The following STXBP5L variants were observed in gnomAD, a reference collection of about 807,000 sequenced individuals.
The protein encoded by STXBP5L is syntaxin-binding protein 5-like.
Under a neutral mutation model 144.5 loss-of-function variants are expected in STXBP5L, and 65 were observed. The observed-to-expected ratio is 0.45, with a 90% confidence interval of 0.37 to 0.55. The LOEUF is 0.55. STXBP5L is among the 20% of genes least tolerant of loss of function. The pLI, the probability that STXBP5L is intolerant of heterozygous loss-of-function variation, is 0.00. For missense variants in STXBP5L, 1,298 were observed against 1,405.5 expected, an observed-to-expected ratio of 0.92 and a Z score of 1.22; for synonymous variants, 505 against 469.6, an observed-to-expected ratio of 1.08 and a Z score of -0.97.
chr3:121,173,364 A>G (rs184216065), intron 9 of STXBP5L, among the ~76,000 whole-genome samples: 9 of 137,964 alleles, frequency 6.5e-5, no homozygotes, highest in Non-Finnish European at 1.3e-4. Flanking sequence ...ATAATAGAAT[A>G]GTGCTCTCAC....
intron 3 of STXBP5L, among the ~76,000 whole-genome samples, chr3:120,991,424 G>A (rs1488800953): frequency 1.3e-5 from 2 of 151,944 alleles, no homozygotes; most frequent in Non-Finnish European, 2.9e-5. Flanking sequence ...TCAGTGTGGC[G>A]ATTCCTCAGG....
intron 20 of STXBP5L, among the ~76,000 whole-genome samples, chr3:121,347,964 A>C (rs906161894): frequency 6.6e-6 from 1 of 152,050 alleles, no homozygotes; most frequent in Non-Finnish European, 1.5e-5. Flanking sequence ...TCTCCTGCCT[A>C]ATTGCCCTGG....
At chr3:120,909,445 G>A (rs1576400618) in intron 1 of STXBP5L, 126 bp from the exon 2 acceptor site, 1 of 762,050 alleles carries the variant, frequency 1.3e-6, no homozygotes, top group South Asian at 2.3e-5. Context: ...TTTTCCAGTC[G>A]GTCGTAACCA....
chr3:121,235,792 T>C (rs1008056126), intron 12 of STXBP5L, among the ~76,000 whole-genome samples: 6 of 151,278 alleles, frequency 4.0e-5, no homozygotes, highest in African/African-American at 1.5e-4. Context: ...CATTTCAGAT[T>C]GGTGGAAAGA....
chr3:121,011,902 A>C (rs564748437), intron 3 of STXBP5L, among the ~76,000 whole-genome samples: 1 of 151,798 alleles, frequency 6.6e-6, no homozygotes, highest in Non-Finnish European at 1.5e-5. Context: ...TACTACAGTG[A>C]ATTTTAGAAC....
intron 2 of STXBP5L, among the ~76,000 whole-genome samples, chr3:120,931,047 C>T (rs1193665683): frequency 6.6e-6 from 1 of 150,898 alleles, no homozygotes; most frequent in East Asian, 1.9e-4. Context: ...GTTTGTGTGC[C>T]TATCAGCCAA....
chr3:121,380,278 C>T (rs112832509), intron 21 of STXBP5L, among the ~76,000 whole-genome samples: 59 of 152,030 alleles, frequency 3.9e-4, no homozygotes, highest in African/African-American at 1.4e-3. Context: ...AATTTTATGA[C>T]AAACAATTAT....
chr3:121,282,209 T>A (rs184820278), intron 19 of STXBP5L: 31 of 1,540,018 alleles, frequency 2.0e-5, no homozygotes, highest in Non-Finnish European at 2.7e-5. Flanking sequence ...CACTTTAGAC[T>A]TTTTTTTCTC....
chr3:121,352,386 A>G (rs61796935), intron 20 of STXBP5L, among the ~76,000 whole-genome samples: 15,405 of 152,060 alleles, frequency 0.1, 1,045 homozygotes, highest in Non-Finnish European at 0.15. Flanking sequence ...TTCTCCTTGA[A>G]GAGGTCCTTC....
intron 22 of STXBP5L, among the ~76,000 whole-genome samples, chr3:121,394,707 C>T (rs1454618743): frequency 6.8e-6 from 1 of 147,214 alleles, no homozygotes; most frequent in Non-Finnish European, 1.5e-5. Context: ...TGGGTTCAGG[C>T]CATTCTCCTG....
intron 3 of STXBP5L, among the ~76,000 whole-genome samples, chr3:121,026,372 C>T (rs1179916317): frequency 1.3e-5 from 2 of 152,036 alleles, no homozygotes; most frequent in Admixed American, 6.6e-5. Flanking sequence ...GAGACAACCA[C>T]AAAACACTCT....
At chr3:121,351,887 C>T (rs2045297483) in intron 20 of STXBP5L, among the ~76,000 whole-genome samples, 1 of 152,116 alleles carries the variant, frequency 6.6e-6, no homozygotes, top group African/African-American at 2.4e-5. Context: ...GATCCAGTTT[C>T]AGCTTTTTAC....
chr3:121,084,700 T>G (rs1012649659), intron 5 of STXBP5L, among the ~76,000 whole-genome samples: 45 of 152,212 alleles, frequency 3.0e-4, no homozygotes, highest in African/African-American at 1.0e-3. Flanking sequence ...TAAAATGATT[T>G]ACATTCCTTT....
intron 19 of STXBP5L, among the ~76,000 whole-genome samples, chr3:121,307,438 A>G (rs1301030241): frequency 6.6e-6 from 1 of 152,220 alleles, no homozygotes; most frequent in African/African-American, 2.4e-5. Flanking sequence ...TATGATGACA[A>G]TGTCTCATCA....
intron 9 of STXBP5L, among the ~76,000 whole-genome samples, chr3:121,197,462 T>C (rs1187721390): frequency 6.6e-6 from 1 of 152,148 alleles, no homozygotes; most frequent in African/African-American, 2.4e-5. Context: ...TAACATTAAA[T>C]GAATATTTTT....
intron 9 of STXBP5L, among the ~76,000 whole-genome samples, chr3:121,164,381 TAAC>T (rs1227744585): frequency 6.6e-6 from 1 of 152,184 alleles, no homozygotes. Context: ...CAAAAAGAGA[TAAC>T]AAATGTTGGC....
At chr3:121,060,599 T>G (rs908795680) in intron 5 of STXBP5L, among the ~76,000 whole-genome samples, 1 of 152,242 alleles carries the variant, frequency 6.6e-6, no homozygotes, top group African/African-American at 2.4e-5. Context: ...ATCTGTCTTG[T>G]TCTGGACTGT....
intron 3 of STXBP5L, among the ~76,000 whole-genome samples, chr3:121,034,450 A>G (rs1352842306): frequency 6.6e-6 from 1 of 152,122 alleles, no homozygotes; most frequent in Non-Finnish European, 1.5e-5. Context: ...TGTTGCTGCA[A>G]AAGATATGAT....
At chr3:121,071,030 A>G (rs2041788445) in intron 5 of STXBP5L, among the ~76,000 whole-genome samples, 1 of 152,166 alleles carries the variant, frequency 6.6e-6, no homozygotes, top group Admixed American at 6.5e-5. Flanking sequence ...GTCCCTGTAC[A>G]GTTGTAGTAG....
Sources: gnomAD v4.1 joint callset for allele counts (sites outside exome capture counted in the v4.1 genomes callset) on GRCh38, gnomAD v4.1.1 for gene constraint, MANE v1.5 for transcripts, NCBI Gene and HGNC (gene_info 2026-07-23, HGNC 2026-07-21) for gene names.